EXOC4: variants seen among roughly 807,000 people sequenced by gnomAD.
EXOC4 encodes SEC8-like 1.
In EXOC4, 71 loss-of-function variants were observed where a neutral mutation model predicts 107.2. That is an observed-to-expected ratio of 0.66 (90% CI 0.55 to 0.81). The LOEUF is 0.81. Among genes scored for constraint, EXOC4 ranks in the 30% least tolerant of loss-of-function variants. EXOC4 has a pLI of 0.00. For synonymous variants in EXOC4, 456 were observed against 441.2 expected, an observed-to-expected ratio of 1.03 and a Z score of -0.42; for missense variants, 1,108 against 1,189.6, an observed-to-expected ratio of 0.93 and a Z score of 1.01.
At chr7:133,715,801 C>T (rs1315740502) in intron 10 of EXOC4, among the ~76,000 whole-genome samples, 1 of 152,102 alleles carries the variant, frequency 6.6e-6, no homozygotes, top group Non-Finnish European at 1.5e-5. Flanking sequence ...GCTAGGGTAC[C>T]AGTGCCCTTT....
At position 133,929,561 on chromosome 7, in the gene EXOC4, G is replaced by GT. The variant is rs1265044423; in HGVS notation, c.2028-8323dup. On this transcript the variant is annotated intron_variant, in intron 13 of 17. Transcript: ENST00000253861. The stretch of plus-strand genomic sequence containing the variant: ...ATTTACTCTTCTTTATAGTATCTCT[G>GT]TTTTTTTACTTTCCAGCTTTTATTT... 3.3e-5 allele frequency among the ~76,000 whole-genome samples: 5 copies of GT among 151,820 alleles called. No homozygotes were observed. The South Asian group carries it at 6.2e-4, about 19-fold the overall frequency.
chr7:133,937,959 A>T lies in EXOC4; in HGVS notation c.2096A>T (p.Asp699Val). The change falls in exon 14 of 18, where the codon GAC becomes GTC. Residue 699 changes from aspartate (D) to valine (V), a missense_variant. Coordinates refer to ENST00000253861, the MANE Select transcript of EXOC4 (RefSeq NM_021807.4). ...GGTGATAAATTAATCCCTCCACAAG[A>T]CATCCTTCGTGACGTCAGTGACCTC... ...NLGDKLIPPQ[D>V]ILRDVSDLKA... 6.2e-7 allele frequency: 1 copy of T among 1,614,164 alleles called. No homozygotes were observed.
intron 10 of EXOC4, among the ~76,000 whole-genome samples, chr7:133,791,266 T>C (rs1227257617): frequency 6.6e-6 from 1 of 152,208 alleles, no homozygotes; most frequent in Non-Finnish European, 1.5e-5. Context: ...TTAGTGTATT[T>C]ATGAATATGA....
At chr7:133,586,493 AC>A (rs1801408034) in intron 9 of EXOC4, among the ~76,000 whole-genome samples, 1 of 152,140 alleles carries the variant, frequency 6.6e-6, no homozygotes, top group African/African-American at 2.4e-5. Context: ...TATATGTACC[AC>A]ATCTTCTTTA....
intron 11 of EXOC4, among the ~76,000 whole-genome samples, chr7:133,847,013 T>C (rs1798141201): frequency 6.6e-6 from 1 of 152,242 alleles, no homozygotes; most frequent in African/African-American, 2.4e-5. Flanking sequence ...TTCTATAGAC[T>C]TAAAAAAATT....
intron 9 of EXOC4, among the ~76,000 whole-genome samples, chr7:133,582,058 CAT>C (rs1048796874): frequency 3.9e-5 from 6 of 152,130 alleles, no homozygotes; most frequent in African/African-American, 1.4e-4. Flanking sequence ...CCTCCCCTGA[CAT>C]GTGGGGATTG....
intron 2 of EXOC4, among the ~76,000 whole-genome samples, chr7:133,278,893 T>C (rs1351421793): frequency 6.6e-6 from 1 of 152,182 alleles, no homozygotes; most frequent in Non-Finnish European, 1.5e-5. Context: ...TATGTATACA[T>C]GTGCCATGTT....
At chr7:133,261,682 CT>C (rs1795156279) in intron 1 of EXOC4, among the ~76,000 whole-genome samples, 2 of 152,070 alleles carry the variant, frequency 1.3e-5, no homozygotes, top group African/African-American at 4.8e-5. Flanking sequence ...CTTCTCAGGC[CT>C]TGTTTTATGT....
At chr7:133,595,766 A>G (rs1414051275) in intron 9 of EXOC4, among the ~76,000 whole-genome samples, 1 of 152,202 alleles carries the variant, frequency 6.6e-6, no homozygotes, top group Non-Finnish European at 1.5e-5. Context: ...TTTCACTCCT[A>G]GCAACAAGAA....
At chr7:134,067,092 G>T (rs1471682292), downstream of EXOC4, among the ~76,000 whole-genome samples, 1 of 149,650 alleles carries the variant, frequency 6.7e-6, no homozygotes, top group Non-Finnish European at 1.5e-5. Context: ...GGAAGTTGCA[G>T]TGAGCCCAGA....
chr7:133,750,621 C>T (rs1795777110), intron 10 of EXOC4, among the ~76,000 whole-genome samples: 2 of 150,412 alleles, frequency 1.3e-5, no homozygotes, highest in Non-Finnish European at 2.9e-5. Flanking sequence ...CATTCTGTCT[C>T]CCAGGCTGGA....
rs759085567 is a variant in EXOC4 at position 133,833,247 on chromosome 7, GA to G, written c.1734+15715del. On this transcript the variant is annotated intron_variant, in intron 11 of 17. Transcript: ENST00000253861. ...AGGTGAATAATCAGTCCCTGAGAAG[GA>G]AAAAAAAAAAAGGCCTAGGGATGTT... Among the ~76,000 whole-genome samples the G allele has an allele frequency of 2.6e-3, 329 of 127,662 alleles. 1 individual carries two copies. The highest frequency in any genetic ancestry group is 0.011 in the Middle Eastern group (3 of 262). 83.8% of individuals were successfully genotyped at this position (127,662 alleles called of 152,430 possible).
chr7:133,694,827 C>T (rs1176426172), intron 10 of EXOC4, among the ~76,000 whole-genome samples: 2 of 152,030 alleles, frequency 1.3e-5, no homozygotes, highest in Non-Finnish European at 2.9e-5. Context: ...ATTTTTGTAC[C>T]TATTAATCAA....
intron 9 of EXOC4, chr7:133,480,375 G>T: frequency 7.5e-7 from 1 of 1,332,128 alleles, no homozygotes; most frequent in Non-Finnish European, 9.7e-7. Context: ...AGCAAAAAGA[G>T]ATGAGGCCAG....
chr7:133,802,849 CAAAA>C (rs59489161), intron 10 of EXOC4, among the ~76,000 whole-genome samples: 1 of 64,212 alleles, frequency 1.6e-5, no homozygotes, highest in Non-Finnish European at 3.2e-5. Context: ...TCTGTCTCCA[CAAAA>C]AAAAAAAAAA....
intron 5 of EXOC4, among the ~76,000 whole-genome samples, chr7:133,346,481 C>G (rs1057290230): frequency 6.6e-6 from 1 of 151,992 alleles, no homozygotes; most frequent in African/African-American, 2.4e-5. Flanking sequence ...ATATTTTGAG[C>G]ATATTGGATA....
intron 9 of EXOC4, among the ~76,000 whole-genome samples, chr7:133,534,682 A>G (rs1302504417): frequency 6.6e-6 from 1 of 152,210 alleles, no homozygotes; most frequent in African/African-American, 2.4e-5. Flanking sequence ...CAATGTTCAA[A>G]GTCAATCAGG....
intron 2 of EXOC4, among the ~76,000 whole-genome samples, chr7:133,286,263 G>A (rs1794274396): frequency 6.6e-6 from 1 of 151,942 alleles, no homozygotes; most frequent in Non-Finnish European, 1.5e-5. Context: ...TTCTATTGGA[G>A]TTTTAAAATT....
At chr7:133,706,870 T>C (rs958351639) in intron 10 of EXOC4, among the ~76,000 whole-genome samples, 2 of 152,124 alleles carry the variant, frequency 1.3e-5, no homozygotes, top group Non-Finnish European at 2.9e-5. Flanking sequence ...ATCCCACCCT[T>C]ATGACCCCAT....
Sources: allele counts gnomAD v4.1 joint callset (sites outside exome capture counted in the v4.1 genomes callset), GRCh38; gene constraint gnomAD v4.1.1; transcripts MANE v1.5; gene names NCBI Gene and HGNC (gene_info 2026-07-23, HGNC 2026-07-21).